Variants in TRPM7 observed in about 807,000 individuals in gnomAD.
TRPM7 encodes the protein transient receptor potential cation channel subfamily M member 7, also known as LTRPC ion channel family member 7.
TRPM7 carries 134 observed loss-of-function variants against 229.7 expected under a neutral mutation model. The observed-to-expected ratio is 0.58, with a 90% confidence interval of 0.51 to 0.67. The LOEUF is 0.67. Among genes scored for constraint, TRPM7 ranks in the 30% least tolerant of loss-of-function variants. The pLI is 0.00. For synonymous variants in TRPM7, 699 were observed against 715.2 expected, an observed-to-expected ratio of 0.98 and a Z score of 0.36; for missense variants, 1,901 against 2,210.0, an observed-to-expected ratio of 0.86 and a Z score of 2.80.
intron 3 of TRPM7, among the ~76,000 whole-genome samples, chr15:50,655,103 TCAATA>T (rs967020671): frequency 6.9e-6 from 1 of 145,592 alleles, no homozygotes; most frequent in Non-Finnish European, 1.5e-5. Flanking sequence ...TAGAAATTAT[TCAATA>T]CATCAGATAA....
At chr15:50,565,821 T>A (rs1290584387) in intron 38 of TRPM7, among the ~76,000 whole-genome samples, 2 of 131,186 alleles carry the variant, frequency 1.5e-5, no homozygotes, top group African/African-American at 5.5e-5. Context: ...GACCATAAAC[T>A]CTTTTTGTTT....
intron 30 of TRPM7, among the ~76,000 whole-genome samples, chr15:50,579,880 C>T (rs898761322): frequency 3.3e-5 from 5 of 152,132 alleles, no homozygotes; most frequent in Admixed American, 3.3e-4. Flanking sequence ...ACTACTCCTG[C>T]GCTCAAACAA....
chr15:50,607,144 CAG>C (rs2059938457), intron 20 of TRPM7, 54 bp downstream of exon 20: 3 of 1,529,974 alleles, frequency 2.0e-6, no homozygotes, highest in East Asian at 4.5e-5. Flanking sequence ...CAAAACAAAA[CAG>C]AAAATCTTCC....
At chr15:50,632,822 GA>G (rs771866070) in intron 9 of TRPM7, 46 bp downstream of exon 9, 1 of 1,462,644 alleles carries the variant, frequency 6.8e-7, no homozygotes, top group Admixed American at 2.7e-5. Context: ...TTGAATGAAA[GA>G]AAAATGGCCT....
At chr15:50,686,477 T>C (rs1480963565) in intron 1 of TRPM7, 54 bp downstream of exon 1, 1 of 1,613,980 alleles carries the variant, frequency 6.2e-7, no homozygotes, top group African/African-American at 1.3e-5. Flanking sequence ...GTCTCTCCTT[T>C]ACCGCCCGCA....
chr15:50,624,111 T>A (rs2060494103), intron 12 of TRPM7, 55 bp downstream of exon 12: 14 of 1,532,368 alleles, frequency 9.1e-6, no homozygotes, highest in Non-Finnish European at 1.2e-5. Context: ...TCAGGTAAAG[T>A]AACATTTCCC....
intron 3 of TRPM7, among the ~76,000 whole-genome samples, chr15:50,650,319 C>A (rs1178691998): frequency 2.0e-5 from 3 of 151,740 alleles, no homozygotes; most frequent in Non-Finnish European, 4.4e-5. Flanking sequence ...ATGTTCCCAC[C>A]AGCCAGAGTA....
chr15:50,647,597 T>C (rs2061306676), intron 4 of TRPM7, among the ~76,000 whole-genome samples: 2 of 152,034 alleles, frequency 1.3e-5, no homozygotes, highest in Admixed American at 6.5e-5. Flanking sequence ...TACAAAAAAT[T>C]AGCTGGGCAT....
Position 50,631,591 on chromosome 15 carries a change from G to T in TRPM7, c.1132-102C>A, listed in dbSNP as rs745343795. ...ACTATATGGGGGGCAAAATATATATGTATGTATCTAGGAATCTATGTATTA... is the reference window on the plus strand; with the variant it reads ...ACTATATGGGGGGCAAAATATATATTTATGTATCTAGGAATCTATGTATTA... On this transcript the variant is annotated intron_variant, in intron 9 of 38. Coordinates refer to ENST00000646667, the MANE Select transcript of TRPM7 (RefSeq NM_017672.6). 4.6e-4 allele frequency: 285 copies of T among 615,846 alleles called. 1 individual carries two copies. Among genetic ancestry groups the T allele is most frequent in the Non-Finnish European group, 6.7e-4 (232 of 346,346 alleles). The allele number at this position is 615,846 out of a possible 1,614,324, so 38.1% of individuals were successfully genotyped here. A position where few individuals can be genotyped will look rare whatever the true frequency, so the allele number is the denominator to read the frequency against.
chr15:50,657,769 T>C lies in TRPM7; in HGVS notation c.122+12A>G, dbSNP rs373262409. 13 of 1,611,034 alleles carry C rather than the reference T, an allele frequency of 8.1e-6. No homozygotes were observed. Among genetic ancestry groups the C allele is most frequent in the African/African-American group, 5.3e-5 (4 of 74,888 alleles). On this transcript the variant is annotated intron_variant, in intron 3 of 38. Coordinates refer to ENST00000646667, the MANE Select transcript of TRPM7 (RefSeq NM_017672.6). Reference sequence around the variant, plus strand: ...TTCCGAAATTTGTGCGGTATAGTTATGTTAAACTTACCTGACGAGTTGCTG... The same window carrying C: ...TTCCGAAATTTGTGCGGTATAGTTACGTTAAACTTACCTGACGAGTTGCTG...
At chr15:50,589,257 G>A (rs2059422082) in intron 27 of TRPM7, among the ~76,000 whole-genome samples, 1 of 145,350 alleles carries the variant, frequency 6.9e-6, no homozygotes, top group Non-Finnish European at 1.5e-5. Context: ...GGGAGGTGGA[G>A]GTTGCAGTAA....
intron 3 of TRPM7, among the ~76,000 whole-genome samples, chr15:50,651,162 G>A (rs1335549071): frequency 6.6e-6 from 1 of 152,142 alleles, no homozygotes; most frequent in Admixed American, 6.6e-5. Context: ...ACTCCAGCCT[G>A]GGTGACACAG....
rs549018972 is a variant in TRPM7 at position 50,681,108 on chromosome 15, G to A, written c.3+5423C>T. Among the ~76,000 whole-genome samples the A allele has an allele frequency of 5.3e-5, 8 of 152,160 alleles. No homozygotes were observed. In the South Asian group the frequency reaches 6.2e-4, roughly 12 times the overall value. On this transcript the variant is annotated intron_variant, in intron 1 of 38. Coordinates refer to ENST00000646667, the MANE Select transcript of TRPM7 (RefSeq NM_017672.6). ...TCTACCAAAAATACAAAAATTAGCC[G>A]GGCATGGTAGCACATGCCTGTAATC...
At position 50,601,186 on chromosome 15, in the gene TRPM7, C is replaced by T. The variant is rs72740438; in HGVS notation, c.2989-1890G>A. On this transcript the variant is annotated intron_variant, in intron 21 of 38. Transcript: ENST00000646667. ...AAACGCAAATCTGTATTGACGTAAA[C>T]TAAAATTATTCAAGGTCTATGGTTG... 1.5e-3 allele frequency among the ~76,000 whole-genome samples: 235 copies of T among 152,276 alleles called. 2 individuals carry two copies. Among genetic ancestry groups the T allele is most frequent in the South Asian group, 4.1e-3 (20 of 4,826 alleles).
chr15:50,621,891 G>A (rs1026479582), intron 12 of TRPM7, among the ~76,000 whole-genome samples: 7 of 152,026 alleles, frequency 4.6e-5, no homozygotes, highest in Admixed American at 6.6e-5. Flanking sequence ...TTAGCTGGGC[G>A]TGGTGGTGGG....
chr15:50,681,148 G>A (rs981863900), intron 1 of TRPM7, among the ~76,000 whole-genome samples: 2 of 151,960 alleles, frequency 1.3e-5, no homozygotes, highest in Non-Finnish European at 2.9e-5. Context: ...CTACTCAGGA[G>A]GCTGAGGCAG....
At chr15:50,643,636 T>A in intron 4 of TRPM7, 83 bp from the exon 5 acceptor site, 1 of 1,044,174 alleles carries the variant, frequency 9.6e-7, no homozygotes, top group East Asian at 2.5e-5. Flanking sequence ...TTGGAAAATT[T>A]TATATGAATC....
intron 4 of TRPM7, among the ~76,000 whole-genome samples, chr15:50,645,330 C>T (rs998235222): frequency 1.2e-4 from 19 of 152,040 alleles, no homozygotes; most frequent in African/African-American, 4.6e-4. Context: ...GCATGAGCTA[C>T]CACACCAGAC....
At chr15:50,644,169 A>T (rs777056209) in intron 4 of TRPM7, among the ~76,000 whole-genome samples, 1 of 152,346 alleles carries the variant, frequency 6.6e-6, no homozygotes, top group East Asian at 1.9e-4. Context: ...TCAACATTTC[A>T]TGGTGTTCGG....
Sources: allele counts gnomAD v4.1 joint callset (sites outside exome capture counted in the v4.1 genomes callset), GRCh38; gene constraint gnomAD v4.1.1; transcripts MANE v1.5; gene names NCBI Gene and HGNC (gene_info 2026-07-23, HGNC 2026-07-21).